Variants in NPAS3 observed in about 807,000 individuals in gnomAD.
NPAS3 encodes neuronal PAS domain protein 3.
NPAS3 carries 14 observed loss-of-function variants against 73.1 expected under a neutral mutation model. The ratio of observed to expected loss-of-function variants is 0.19; its 90% confidence interval spans 0.13 to 0.30. NPAS3 has a LOEUF of 0.30. Among genes scored for constraint, NPAS3 ranks in the 10% least tolerant of loss-of-function variants. The pLI, the probability that NPAS3 is intolerant of heterozygous loss-of-function variation, is 1.00. For missense variants in NPAS3, 1,096 were observed against 1,250.0 expected, an observed-to-expected ratio of 0.88 and a Z score of 1.86; for synonymous variants, 620 against 541.5, an observed-to-expected ratio of 1.14 and a Z score of -2.01.
At chr14:33,142,602 T>C (rs1342825537) in intron 2 of NPAS3, among the ~76,000 whole-genome samples, 1 of 152,254 alleles carries the variant, frequency 6.6e-6, no homozygotes, top group Non-Finnish European at 1.5e-5. Flanking sequence ...TAAATTTTCC[T>C]TGAAATCTTG....
chr14:33,709,473 C>T (rs925883564), intron 6 of NPAS3, among the ~76,000 whole-genome samples: 2 of 152,082 alleles, frequency 1.3e-5, no homozygotes, highest in African/African-American at 4.8e-5. Flanking sequence ...ATAAATAACT[C>T]GGGAGGGCAA....
chr14:33,662,869 C>CTTTTT (rs550747845), intron 5 of NPAS3, among the ~76,000 whole-genome samples: 153 of 89,858 alleles, frequency 1.7e-3, no homozygotes, highest in East Asian at 2.3e-3. Context: ...TGGGGTTTTC[C>CTTTTT]TTTTTTTTTT....
chr14:33,365,782 C>T (rs998750394), intron 3 of NPAS3, among the ~76,000 whole-genome samples: 20 of 152,090 alleles, frequency 1.3e-4, no homozygotes, highest in African/African-American at 2.2e-4. Flanking sequence ...CTTTGCATAG[C>T]GCAATAATCA....
chr14:33,147,730 A>AAT (rs10674790), intron 2 of NPAS3, among the ~76,000 whole-genome samples: 1,779 of 130,276 alleles, frequency 0.014, 14 homozygotes, highest in East Asian at 0.047. Flanking sequence ...TAGAATAAAA[A>AAT]ATATATATAT....
chr14:33,586,883 A>G (rs908039637), intron 5 of NPAS3, among the ~76,000 whole-genome samples: 1 of 152,168 alleles, frequency 6.6e-6, no homozygotes, highest in African/African-American at 2.4e-5. Context: ...CTACAGAAGT[A>G]TTTCCAGTAA....
chr14:32,961,359 T>C (rs150632551), intron 1 of NPAS3, among the ~76,000 whole-genome samples: 3,252 of 144,424 alleles, frequency 0.023, 126 homozygotes, highest in African/African-American at 0.079. Flanking sequence ...TGCAGTGAGC[T>C]GAGATTGCAC....
chr14:33,454,701 G>A (rs935315750), intron 4 of NPAS3, among the ~76,000 whole-genome samples: 1 of 152,152 alleles, frequency 6.6e-6, no homozygotes, highest in Non-Finnish European at 1.5e-5. Flanking sequence ...CACCACAGGG[G>A]ATTCGGGAAA....
chr14:33,529,091 T>C (rs2053928723), intron 4 of NPAS3, among the ~76,000 whole-genome samples: 1 of 152,016 alleles, frequency 6.6e-6, no homozygotes. Flanking sequence ...ATGCTTGGGG[T>C]AAATGTTCTT....
intron 2 of NPAS3, among the ~76,000 whole-genome samples, chr14:33,086,654 T>G (rs920573294): frequency 2.0e-5 from 3 of 152,208 alleles, no homozygotes; most frequent in African/African-American, 7.2e-5. Context: ...CAGATACCCT[T>G]TATTCTGACC....
rs144720076 is a variant in NPAS3, at chr14:33,565,092, T to G, written c.558+4882T>G. Among the ~76,000 whole-genome samples, 21 of 152,316 alleles carry G rather than the reference T, an allele frequency of 1.4e-4. 1 individual carries two copies. The highest frequency in any genetic ancestry group is 2.6e-4 in the Admixed American group (4 of 15,302). On this transcript the variant is annotated intron_variant, in intron 5 of 11. Transcript: ENST00000356141. ...ACAAATTGGCTTGATTCAAGGCAGC[T>G]TGCTGAAAAGGGCAGGGTGGCTGCA...
At chr14:33,500,676 A>AAAAAC (rs1479591929) in intron 4 of NPAS3, among the ~76,000 whole-genome samples, 1 of 152,082 alleles carries the variant, frequency 6.6e-6, no homozygotes, top group South Asian at 2.1e-4. Flanking sequence ...ATCAGCTTTA[A>AAAAAC]AAAACAAAAC....
At chr14:33,761,127 G>T (rs192729137) in intron 7 of NPAS3, among the ~76,000 whole-genome samples, 1 of 152,168 alleles carries the variant, frequency 6.6e-6, no homozygotes, top group Non-Finnish European at 1.5e-5. Flanking sequence ...GTACTACAGG[G>T]GAATATTTGT....
At chr14:33,456,474 G>A (rs989180159) in intron 4 of NPAS3, among the ~76,000 whole-genome samples, 15 of 152,152 alleles carry the variant, frequency 9.9e-5, no homozygotes, top group Admixed American at 5.9e-4. Context: ...GGAAAATTAT[G>A]AGCATTTAGT....
chr14:33,520,084 C>T (rs2053489971), intron 4 of NPAS3, among the ~76,000 whole-genome samples: 1 of 152,084 alleles, frequency 6.6e-6, no homozygotes, highest in Non-Finnish European at 1.5e-5. Flanking sequence ...TCTGCTGAAC[C>T]CAGAGGGGTT....
rs538690746 is a variant in NPAS3 at position 33,780,191 on chromosome 14, G to A, written c.1153+1619G>A. Reference sequence around the variant, plus strand: ...ATTCTACTCCCAACACGGAGTGTGTGTGTCTTGATATTGCACACCAGGGAT... The same window carrying A: ...ATTCTACTCCCAACACGGAGTGTGTATGTCTTGATATTGCACACCAGGGAT... On this transcript the variant is annotated intron_variant, in intron 9 of 11. Coordinates refer to ENST00000356141, the Ensembl canonical transcript of NPAS3. Among the ~76,000 whole-genome samples the A allele has an allele frequency of 3.3e-5, 5 of 152,346 alleles. No homozygotes were observed. The East Asian group carries it at 5.8e-4, about 18-fold the overall frequency.
intron 3 of NPAS3, among the ~76,000 whole-genome samples, chr14:33,288,230 C>T (rs968207929): frequency 2.0e-5 from 3 of 152,158 alleles, no homozygotes; most frequent in African/African-American, 7.2e-5. Context: ...GGTCTGCATT[C>T]TTTGTCAACA....
intron 3 of NPAS3, among the ~76,000 whole-genome samples, chr14:33,277,705 T>C (rs751373691): frequency 6.6e-6 from 1 of 151,542 alleles, no homozygotes; most frequent in Non-Finnish European, 1.5e-5. Context: ...CTCATGGGAG[T>C]AGGCTTGATG....
rs7144804 is a variant in NPAS3, at chr14:33,286,422, T to C, written c.385+70996T>C. ...ACAGAGATAGTAATCATAGTTGTTT[T>C]AAAAAAATTCCATGAGACAGATAAA... On this transcript the variant is annotated intron_variant, in intron 3 of 11. Coordinates refer to ENST00000356141, the Ensembl canonical transcript of NPAS3. Among the ~76,000 whole-genome samples, 6 of 152,320 alleles carry C rather than the reference T, an allele frequency of 3.9e-5. No homozygotes were observed. The East Asian group carries it at 1.2e-3, about 29-fold the overall frequency.
chr14:33,495,093 G>C (rs12878245), intron 4 of NPAS3, among the ~76,000 whole-genome samples: 1 of 152,062 alleles, frequency 6.6e-6, no homozygotes. Flanking sequence ...GATCTTTCCT[G>C]CTTTGTCCTG....
Sources: gnomAD v4.1 joint callset for allele counts (sites outside exome capture counted in the v4.1 genomes callset) on GRCh38, gnomAD v4.1.1 for gene constraint, MANE v1.5 for transcripts, NCBI Gene and HGNC (gene_info 2026-07-23, HGNC 2026-07-21) for gene names.